Variants in VPS8 observed in about 807,000 individuals in gnomAD.
The protein encoded by VPS8 is VPS8 subunit of CORVET complex.
In VPS8, 129 loss-of-function variants were observed where a neutral mutation model predicts 216.4. The observed-to-expected ratio is 0.60, with a 90% CI of 0.52 to 0.69. The LOEUF is 0.69. VPS8 is among the 30% of genes least tolerant of loss of function. The pLI, the probability that VPS8 is intolerant of heterozygous loss-of-function variation, is 0.00. For missense variants in VPS8, 1,531 were observed against 1,683.5 expected (o/e 0.91, Z 1.59); for synonymous variants, 571 against 565.4 (o/e 1.01, Z -0.14).
In VPS8 at chr3:184,855,615, A is replaced by G. The variant is rs1725091157; in HGVS notation, c.1036-96A>G. ...GAGAAATTGGGGAAAGTTTTTATCA[A>G]GGAACACTAGTCAGATGCTGTTTTT... is the stretch of plus-strand genomic sequence containing the variant. On this transcript the variant is annotated intron_variant, in intron 13 of 47. Coordinates refer to ENST00000625842, the MANE Select transcript of VPS8 (RefSeq NM_001009921.3). The G allele has an allele frequency of 4.0e-6, 4 of 1,006,386 alleles. No individual in the cohort carries two copies. In the South Asian group the frequency reaches 4.3e-5, roughly 11 times the overall value. 62.3% of individuals were successfully genotyped at this position (1,006,386 alleles called of 1,614,324 possible).
intron 25 of VPS8, among the ~76,000 whole-genome samples, chr3:184,911,980 A>G (rs1312949870): frequency 1.3e-5 from 2 of 152,220 alleles, no homozygotes; most frequent in Admixed American, 1.3e-4. Context: ...AAGGATTTAG[A>G]GCCCCGCACC....
At chr3:184,944,446 T>A in intron 36 of VPS8, 1 of 959,988 alleles carries the variant, frequency 1.0e-6, no homozygotes, top group Non-Finnish European at 1.2e-6. Context: ...GCATTGCTGC[T>A]GGCCATGAAT....
intron 39 of VPS8, among the ~76,000 whole-genome samples, chr3:184,967,879 C>A (rs2109589490): frequency 6.6e-6 from 1 of 151,784 alleles, no homozygotes; most frequent in East Asian, 1.9e-4. Context: ...GTAAAATATA[C>A]CCTAACATAA....
chr3:184,854,171 C>T lies in VPS8; in HGVS notation c.1033C>T (p.Arg345Trp), dbSNP rs535949463. Residue 345 changes from arginine (R) to tryptophan (W), a missense_variant and splice_region_variant, in exon 13 of 48, where the codon CGG becomes TGG. By Grantham distance (101) the Arg-to-Trp change is moderately radical (BLOSUM62 -3). This residue lies in a region of VPS8 where 1,318 missense variants were observed against 1,468.4 expected (regional missense o/e 0.90). Coordinates refer to ENST00000625842, the MANE Select transcript of VPS8 (RefSeq NM_001009921.3). Reference protein sequence around the residue: ...LKVWMTFPYGRMDPSSVPLLA... With the variant: ...LKVWMTFPYGWMDPSSVPLLA... ...AGTATGGATGACTTTTCCCTATGGC[C>T]GGGTGAGTACGTCCCTCCATCTTAT... is the stretch of plus-strand genomic sequence containing the variant. 42 of 1,613,578 alleles carry T rather than the reference C, an allele frequency of 2.6e-5. No homozygotes were observed. Among genetic ancestry groups the T allele is most frequent in the South Asian group, 1.1e-4 (10 of 91,060 alleles).
At chr3:184,873,392 G>A (rs1201863143) in intron 21 of VPS8, among the ~76,000 whole-genome samples, 2 of 152,092 alleles carry the variant, frequency 1.3e-5, no homozygotes, top group East Asian at 3.8e-4. Context: ...ATTACAGCAA[G>A]CATCTAAACT....
At chr3:184,911,740 G>A (rs1001836174) in intron 25 of VPS8, among the ~76,000 whole-genome samples, 6 of 152,130 alleles carry the variant, frequency 3.9e-5, no homozygotes, top group South Asian at 4.1e-4. Context: ...AAAGCTGGAC[G>A]AGCTCCATCT....
At chr3:184,834,837 C>A in intron 5 of VPS8, 95 bp downstream of exon 5, 1 of 953,760 alleles carries the variant, frequency 1.0e-6, no homozygotes, top group Non-Finnish European at 1.5e-6. Flanking sequence ...TTCTCTTGGC[C>A]CGAGGCTTAA....
chr3:184,831,060 A>AAGGTT (rs1214054718), intron 3 of VPS8, among the ~76,000 whole-genome samples: 1 of 152,212 alleles, frequency 6.6e-6, no homozygotes, highest in African/African-American at 2.4e-5. Context: ...ATCGTATTTA[A>AAGGTT]AGGTTGGGCT....
chr3:184,969,428 C>CT (rs869093296), intron 39 of VPS8, among the ~76,000 whole-genome samples: 1 of 32,732 alleles, frequency 3.1e-5, no homozygotes, highest in Admixed American at 4.5e-4. Context: ...ACCCCCCCCC[C>CT]TTTTTTTTTT....
At chr3:184,931,605 C>T (rs1437327974) in intron 34 of VPS8, among the ~76,000 whole-genome samples, 3 of 152,088 alleles carry the variant, frequency 2.0e-5, no homozygotes, top group Admixed American at 6.6e-5. Flanking sequence ...ATAACTGGCA[C>T]GAAAGGTAGT....
chr3:184,893,699 A>G (rs978227141), intron 22 of VPS8, among the ~76,000 whole-genome samples: 3 of 152,170 alleles, frequency 2.0e-5, no homozygotes, highest in Non-Finnish European at 4.4e-5. Context: ...ATATCTTTTC[A>G]CTTAAGATAA....
chr3:185,027,321 C>A (rs2110091920), intron 46 of VPS8, among the ~76,000 whole-genome samples: 1 of 147,676 alleles, frequency 6.8e-6, no homozygotes, highest in South Asian at 2.2e-4. Flanking sequence ...CGGCTCACTG[C>A]AAGCTTCGCC....
At chr3:184,971,119 A>G (rs1443426827) in intron 39 of VPS8, among the ~76,000 whole-genome samples, 2 of 152,248 alleles carry the variant, frequency 1.3e-5, no homozygotes, top group Non-Finnish European at 2.9e-5. Flanking sequence ...ATCCATGTGG[A>G]AATAAATGTC....
Position 184,838,836 on chromosome 3 carries a change from G to A in VPS8, c.480+90G>A, listed in dbSNP as rs1233841805. The A allele has an allele frequency of 7.0e-6, 7 of 1,000,952 alleles. No individual in the cohort carries two copies. The African/African-American group carries it at 1.0e-4, about 14-fold the overall frequency. The allele number at this position is 1,000,952 out of a possible 1,614,324, so 62.0% of individuals were successfully genotyped here. ...TTACATTGTTCAAAATACTACATAA[G>A]TTGTTATGGTAATAAATTCACAAGT... On this transcript the variant is annotated intron_variant, in intron 6 of 47. Coordinates refer to ENST00000625842, the MANE Select transcript of VPS8 (RefSeq NM_001009921.3).
chr3:184,961,268 A>T (rs570638847), intron 37 of VPS8, among the ~76,000 whole-genome samples: 90 of 152,262 alleles, frequency 5.9e-4, no homozygotes, highest in African/African-American at 2.1e-3. Flanking sequence ...TTCCCATTTA[A>T]CATTTATTTT....
At chr3:184,938,919 G>C (rs1216143992) in intron 35 of VPS8, among the ~76,000 whole-genome samples, 1 of 151,004 alleles carries the variant, frequency 6.6e-6, no homozygotes, top group East Asian at 1.9e-4. Context: ...TGTCCCAGCT[G>C]TACGGGAGGC....
chr3:184,907,038 C>G (rs1735628998), intron 25 of VPS8, among the ~76,000 whole-genome samples: 1 of 152,186 alleles, frequency 6.6e-6, no homozygotes, highest in Non-Finnish European at 1.5e-5. Flanking sequence ...GCACCCGTGA[C>G]ACAGCCTCAG....
At position 184,915,353 on chromosome 3, in the gene VPS8, A is replaced by T; in HGVS notation, c.2263-2A>T. 6.2e-7 allele frequency: 1 copy of T among 1,610,504 alleles called. No individual in the cohort carries two copies. The highest frequency in any genetic ancestry group is 8.5e-7 in the Non-Finnish European group (1 of 1,178,438). On this transcript the variant is annotated splice_acceptor_variant, in intron 27 of 47. Transcript: ENST00000625842. LOFTEE classifies it high-confidence loss of function. Reference sequence around the variant, plus strand: ...AATCAACATTTTTTTCCCAACTTGCAGGTTTTTGAATTTCTAATTCGCCTG... The same window carrying T: ...AATCAACATTTTTTTCCCAACTTGCTGGTTTTTGAATTTCTAATTCGCCTG...
At chr3:185,003,283 A>ATAGG (rs1447374704) in intron 45 of VPS8, among the ~76,000 whole-genome samples, 1 of 143,834 alleles carries the variant, frequency 7.0e-6, no homozygotes, top group Non-Finnish European at 1.5e-5. Flanking sequence ...TGGTTTTCCT[A>ATAGG]GGCAGAGGAC....
Sources: gnomAD v4.1 joint callset for allele counts (sites outside exome capture counted in the v4.1 genomes callset) on GRCh38, gnomAD v4.1.1 for gene constraint, gnomAD v4.1.1 regional missense constraint, MANE v1.5 for transcripts, NCBI Gene and HGNC (gene_info 2026-07-23, HGNC 2026-07-21) for gene names.